Variants in LYPD1 observed in about 807,000 individuals in gnomAD.
LYPD1 encodes LY6/PLAUR domain containing 1.
A neutral mutation model predicts 14.2 loss-of-function variants in LYPD1; 14 were observed. The observed-to-expected ratio is 0.99, with a 90% confidence interval of 0.65 to 1.54. LYPD1 has a LOEUF of 1.54. LYPD1 is among the 40% of genes most tolerant of loss of function. The probability of loss-of-function intolerance (pLI) is 0.00; values close to 1 mark genes in which losing one functional copy is unlikely to be tolerated. For synonymous variants in LYPD1, 85 were observed against 70.6 expected, an observed-to-expected ratio of 1.20 and a Z score of -1.02; for missense variants, 165 against 175.7, an observed-to-expected ratio of 0.94 and a Z score of 0.34.
rs150577334 is a variant in LYPD1, at chr2:132,653,462, G to A, written c.191-7182C>T. On this transcript the variant is annotated intron_variant, in intron 2 of 2. Coordinates refer to ENST00000397463, the MANE Select transcript of LYPD1 (RefSeq NM_144586.7). ...CATAGATAAATGAGTAAATAAGTAT[G>A]TGCAGAAGAGACAAGTTTTTCTTAC... is the stretch of plus-strand genomic sequence containing the variant. Among the ~76,000 whole-genome samples, 1,027 of 152,300 alleles carry A rather than the reference G, an allele frequency of 6.7e-3. 13 individuals carry two copies. The highest frequency in any genetic ancestry group is 0.023 in the African/African-American group (958 of 41,564).
At chr2:132,671,522 T>TA (rs1683744345), upstream of LYPD1, 1 of 151,930 alleles carries the variant, frequency 6.6e-6, no homozygotes, top group South Asian at 2.1e-4. Context: ...GATCGTTCCA[T>TA]ATCTGCCTCA....
intron 2 of LYPD1, among the ~76,000 whole-genome samples, chr2:132,652,316 G>A (rs917856479): frequency 6.6e-6 from 1 of 152,162 alleles, no homozygotes; most frequent in Non-Finnish European, 1.5e-5. Context: ...ATGAAGGGAG[G>A]AAAAGGAAAA....
Position 132,669,885 on chromosome 2 carries a change from A to T in LYPD1, c.48T>A (p.Leu16=). 6.2e-7 allele frequency: 1 copy of T among 1,612,710 alleles called. No homozygotes were observed. Among genetic ancestry groups the T allele is most frequent in the Non-Finnish European group, 8.5e-7 (1 of 1,179,302 alleles). Residue 16 remains leucine, a synonymous_variant, in exon 1 of 3, where the codon CTT becomes CTA. Transcript: ENST00000397463. The surrounding 1 kb of genome is among the most constrained non-coding windows in gnomAD (Gnocchi z 4.3). ...IAATFCGLFL[L]PGFALQIQCY... ...CTGGCCTCTGGGTATTCTCACCTGG[A>T]AGCAAGAACAATCCGCAAAAAGTTG...
At chr2:132,647,918 G>GTACTT (rs1161902013) in intron 2 of LYPD1, among the ~76,000 whole-genome samples, 11 of 152,080 alleles carry the variant, frequency 7.2e-5, no homozygotes, top group African/African-American at 2.7e-4. Flanking sequence ...AGGTAAAGAA[G>GTACTT]TACTTTAGAT....
chr2:132,646,556 C>CTT lies in LYPD1; in HGVS notation c.191-278_191-277dup, dbSNP rs1682095255. 4 of 335,576 alleles carry CTT rather than the reference C, an allele frequency of 1.2e-5. No individual in the cohort carries two copies. In the East Asian group the frequency reaches 1.4e-4, roughly 11 times the overall value. The allele number at this position is 335,576 out of a possible 1,614,324, so 20.8% of individuals were successfully genotyped here. A position where few individuals can be genotyped will look rare whatever the true frequency, so the allele number is the denominator to read the frequency against. ...TGTTAATAAAGAGCTGTTAAATAGA[C>CTT]TTATTTACATTTTAAGTCAGAGTTC... On this transcript the variant is annotated intron_variant, in intron 2 of 2. Transcript: ENST00000397463.
intron 2 of LYPD1, among the ~76,000 whole-genome samples, chr2:132,657,367 T>C (rs1157729494): frequency 3.3e-5 from 5 of 152,208 alleles, no homozygotes. Context: ...ATTATCTCAG[T>C]ATTAACAGTG....
Position 132,645,024 on chromosome 2 carries a change from T to C in LYPD1, c.*1021A>G, listed in dbSNP as rs1681976558. 8 of 1,487,906 alleles carry C rather than the reference T, an allele frequency of 5.4e-6. No homozygotes were observed. The South Asian group carries it at 1.1e-4, about 20-fold the overall frequency. The allele number at this position is 1,487,906 out of a possible 1,614,324, so 92.2% of individuals were successfully genotyped here. ...CAGAACAGAGGGGCTAAATATTTTA[T>C]GGTTTTATTCATTTACTGTGTTCTC... On this transcript the variant is annotated 3_prime_UTR_variant, in exon 3 of 3. Coordinates refer to ENST00000397463, the MANE Select transcript of LYPD1 (RefSeq NM_144586.7).
rs537012526 is a variant in LYPD1, at chr2:132,645,096, C to A, written c.*949G>T. 61 of 1,609,552 alleles carry A rather than the reference C, an allele frequency of 3.8e-5. No individual in the cohort carries two copies. In the East Asian group the frequency reaches 1.2e-3, roughly 32 times the overall value. The stretch of plus-strand genomic sequence containing the variant: ...TGTCTCTCCCTCCTGCTCGTGTCTG[C>A]CCAGGGCTGATTGTTGTGACATTGG... On this transcript the variant is annotated 3_prime_UTR_variant, in exon 3 of 3. Coordinates refer to ENST00000397463, the MANE Select transcript of LYPD1 (RefSeq NM_144586.7).
Position 132,645,998 on chromosome 2 carries a change from C to T in LYPD1, c.*47G>A, listed in dbSNP as rs182316747. On this transcript the variant is annotated 3_prime_UTR_variant, in exon 3 of 3. Coordinates refer to ENST00000397463, the MANE Select transcript of LYPD1 (RefSeq NM_144586.7). ...ACTCAGGGAGGTGGGGGGTTGGGGGCGAGGGCTGGAAGAACAATGCAGGAG... is the reference window on the plus strand; with the variant it reads ...ACTCAGGGAGGTGGGGGGTTGGGGGTGAGGGCTGGAAGAACAATGCAGGAG... The T allele has an allele frequency of 4.0e-5, 56 of 1,403,142 alleles. No homozygotes were observed. In the East Asian group the frequency reaches 1.1e-3, roughly 29 times the overall value. 86.9% of individuals were successfully genotyped at this position (1,403,142 alleles called of 1,614,324 possible). A position where few individuals can be genotyped will look rare whatever the true frequency, so the allele number is the denominator to read the frequency against.
chr2:132,655,179 C>T (rs1553463671), intron 2 of LYPD1, among the ~76,000 whole-genome samples: 1 of 152,120 alleles, frequency 6.6e-6, no homozygotes, highest in Non-Finnish European at 1.5e-5. Context: ...AACAGGTATT[C>T]TGCCCTGCTT....
In LYPD1 at chr2:132,649,505, C is replaced by T. The variant is rs1046854796; in HGVS notation, c.191-3225G>A. Among the ~76,000 whole-genome samples the T allele has an allele frequency of 7.2e-5, 11 of 152,084 alleles. No individual in the cohort carries two copies. In the East Asian group the frequency reaches 1.7e-3, roughly 24 times the overall value. On this transcript the variant is annotated intron_variant, in intron 2 of 2. Transcript: ENST00000397463. ...ATGGGAACGGAGGTGCAGGGACAAA[C>T]GGGAATGGTTTTGGGGAATGCTGAG...
At chr2:132,665,048 C>G (rs1683190274) in intron 2 of LYPD1, among the ~76,000 whole-genome samples, 7 of 152,168 alleles carry the variant, frequency 4.6e-5, no homozygotes, top group Admixed American at 2.6e-4. Flanking sequence ...TTCCCTTCCC[C>G]ACAGCCAGTA....
chr2:132,648,580 A>G (rs1682237569), intron 2 of LYPD1, among the ~76,000 whole-genome samples: 1 of 152,240 alleles, frequency 6.6e-6, no homozygotes, highest in South Asian at 2.1e-4. Flanking sequence ...GTTAAGGATC[A>G]GTGATGAGGT....
Position 132,645,430 on chromosome 2 carries a change from T to A in LYPD1, c.*615A>T. On this transcript the variant is annotated 3_prime_UTR_variant, in exon 3 of 3. Coordinates refer to ENST00000397463, the MANE Select transcript of LYPD1 (RefSeq NM_144586.7). The stretch of plus-strand genomic sequence containing the variant: ...TGTGCAGCGCCCGTTGCTCTTCGCG[T>A]CCCGGCGCCAGTCCTCTGCAAGGAG... The A allele has an allele frequency of 6.2e-7, 1 of 1,613,604 alleles. No homozygotes were observed. The highest frequency in any genetic ancestry group is 8.5e-7 in the Non-Finnish European group (1 of 1,180,026).
rs1266400806 is a variant in LYPD1 at position 132,669,899 on chromosome 2, C to T, written c.34G>A (p.Gly12Arg). The T allele has an allele frequency of 6.2e-7, 1 of 1,612,980 alleles. No homozygotes were observed. Among genetic ancestry groups the T allele is most frequent in the African/African-American group, 1.3e-5 (1 of 74,894 alleles). Residue 12 changes from glycine to arginine, a missense_variant, in exon 1 of 3, where the codon GGA becomes AGA. Physicochemically the swap from Gly to Arg is moderately radical, Grantham distance 125. Coordinates refer to ENST00000397463, the MANE Select transcript of LYPD1 (RefSeq NM_144586.7). The surrounding 1 kb of genome is among the most constrained non-coding windows in gnomAD (Gnocchi z 4.3). ...TTCTCACCTGGAAGCAAGAACAATCCGCAAAAAGTTGCCGCGATGCCTAGG... is the reference window on the plus strand; with the variant it reads ...TTCTCACCTGGAAGCAAGAACAATCTGCAAAAAGTTGCCGCGATGCCTAGG... ...WVLGIAATFC[G>R]LFLLPGFALQ...
intron 2 of LYPD1, among the ~76,000 whole-genome samples, chr2:132,665,936 T>C (rs1018262036): frequency 6.6e-6 from 1 of 152,200 alleles, no homozygotes; most frequent in African/African-American, 2.4e-5. Context: ...ACATATGTTA[T>C]TGATCAAACT....
chr2:132,646,456 G>A (rs114632130), intron 2 of LYPD1, 176 bp from the exon 3 acceptor site: 4,238 of 414,638 alleles, frequency 0.01, 159 homozygotes, highest in African/African-American at 0.078. Flanking sequence ...GATGGTGAAA[G>A]AGACAGGCAC....
Position 132,669,793 on chromosome 2 carries a change from C to T in LYPD1, c.52+88G>A, listed in dbSNP as rs968191273. 3 of 1,563,872 alleles carry T rather than the reference C, an allele frequency of 1.9e-6. No homozygotes were observed. Among genetic ancestry groups the T allele is most frequent in the Admixed American group, 1.9e-5 (1 of 53,002 alleles). On this transcript the variant is annotated intron_variant, in intron 1 of 2. Transcript: ENST00000397463. This position sits in a 1 kb window ranked among gnomAD's most constrained non-coding sequence, Gnocchi z 4.3. ...GGCAGCCCCAGCGCAGGGCTGGCCC[C>T]GAGGTGGGCGCCTTGGGGGCAAAAG...
chr2:132,668,260 C>A, intron 2 of LYPD1, 140 bp downstream of exon 2: 2 of 1,088,416 alleles, frequency 1.8e-6, no homozygotes, highest in South Asian at 1.8e-5. Context: ...ATTTTCCCAG[C>A]ACTGTAAAAC....
Sources: gnomAD v4.1 joint callset for allele counts (sites outside exome capture counted in the v4.1 genomes callset) on GRCh38, gnomAD v4.1.1 for gene constraint, Gnocchi (gnomAD v3.1) non-coding constraint, MANE v1.5 for transcripts, NCBI Gene and HGNC (gene_info 2026-07-23, HGNC 2026-07-21) for gene names.